Variants in MYO1E observed in about 807,000 individuals in gnomAD.
The protein encoded by MYO1E is unconventional myosin-Ie.
Under a neutral mutation model 151.1 loss-of-function variants are expected in MYO1E, and 68 were observed. The ratio of observed to expected loss-of-function variants is 0.45; its 90% CI spans 0.37 to 0.55. MYO1E has a LOEUF of 0.55. Among genes scored for constraint, MYO1E ranks in the 20% least tolerant of loss-of-function variants. The pLI is 0.00. For missense variants in MYO1E, 1,363 were observed against 1,389.3 expected, an observed-to-expected ratio of 0.98 and a Z score of 0.30; for synonymous variants, 601 against 501.7, an observed-to-expected ratio of 1.20 and a Z score of -2.64.
intron 15 of MYO1E, among the ~76,000 whole-genome samples, chr15:59,203,596 G>A (rs558890409): frequency 1.6e-4 from 25 of 152,170 alleles, no homozygotes; most frequent in South Asian, 1.0e-3. Context: ...CAGTGGTCTC[G>A]ATCTCTTGAC....
chr15:59,297,857 C>T (rs1267071425), intron 1 of MYO1E, among the ~76,000 whole-genome samples: 1 of 152,166 alleles, frequency 6.6e-6, no homozygotes, highest in Non-Finnish European at 1.5e-5. Flanking sequence ...GCTGGGATTA[C>T]AGGCATGAGT....
At chr15:59,252,607 C>A (rs185935652) in intron 4 of MYO1E, among the ~76,000 whole-genome samples, 162 of 151,876 alleles carry the variant, frequency 1.1e-3, no homozygotes, top group Non-Finnish European at 1.9e-3. Flanking sequence ...CCCAGCTACT[C>A]GGGAGGCTGA....
intron 10 of MYO1E, among the ~76,000 whole-genome samples, chr15:59,216,667 T>TGTGTGTGTGTGTGTGTATGTG (rs1491491314): frequency 2.3e-4 from 2 of 8,668 alleles, no homozygotes; most frequent in African/African-American, 4.9e-4. Context: ...TGTGTATGTG[T>TGTGTGTGTGTGTGTGTATGTG]ATATATATAT....
chr15:59,231,505 G>C (rs1181329438), intron 6 of MYO1E, among the ~76,000 whole-genome samples, 197 bp downstream of exon 6: 4 of 152,118 alleles, frequency 2.6e-5, no homozygotes, highest in African/African-American at 9.7e-5. Flanking sequence ...AAATTATCTT[G>C]TTTGTATCCC....
chr15:59,155,817 T>A (rs1375455496), intron 25 of MYO1E, among the ~76,000 whole-genome samples: 5 of 145,332 alleles, frequency 3.4e-5, no homozygotes, highest in Non-Finnish European at 7.5e-5. Context: ...TACTTTAGCA[T>A]GCAATGGTGA....
intron 1 of MYO1E, among the ~76,000 whole-genome samples, chr15:59,276,461 A>G (rs74020337): frequency 0.018 from 2,805 of 152,286 alleles, 81 homozygotes; most frequent in African/African-American, 0.064. Context: ...GAACGTAATA[A>G]TAACAATAAT....
rs1452890042 is a variant in MYO1E at position 59,135,110 on chromosome 15, T to C, written c.*2270A>G. 5 of 152,196 alleles carry C rather than the reference T, an allele frequency of 3.3e-5. No homozygotes were observed. The highest frequency in any genetic ancestry group is 9.7e-5 in the African/African-American group (4 of 41,426). 9.4% of individuals were successfully genotyped at this position (152,196 alleles called of 1,614,324 possible). A position where few individuals can be genotyped will look rare whatever the true frequency, so the allele number is the denominator to read the frequency against. On this transcript the variant is annotated 3_prime_UTR_variant, in exon 28 of 28. Coordinates refer to ENST00000288235, the MANE Select transcript of MYO1E (RefSeq NM_004998.4). The stretch of plus-strand genomic sequence containing the variant: ...TAAGTCTCCTTCCCCTGTGGGTCAC[T>C]TACCTATTTCAGCACCATTTGTTGG...
chr15:59,218,683 A>G (rs1352496268), intron 9 of MYO1E, among the ~76,000 whole-genome samples: 1 of 152,246 alleles, frequency 6.6e-6, no homozygotes, highest in African/African-American at 2.4e-5. Context: ...TGCCAAATAA[A>G]GAACCCTTGG....
intron 1 of MYO1E, among the ~76,000 whole-genome samples, chr15:59,360,782 A>G: frequency 6.6e-6 from 1 of 152,146 alleles, no homozygotes. Context: ...TCTGTCAAAC[A>G]AAGGGGTTCA....
At chr15:59,357,738 C>G (rs28488610) in intron 1 of MYO1E, among the ~76,000 whole-genome samples, 1,896 of 152,140 alleles carry the variant, frequency 0.012, 40 homozygotes, top group African/African-American at 0.043. Context: ...GCGTGAGCCA[C>G]CATACCTTGC....
intron 2 of MYO1E, among the ~76,000 whole-genome samples, chr15:59,263,438 TG>T (rs2080235804): frequency 6.6e-6 from 1 of 152,226 alleles, no homozygotes; most frequent in South Asian, 2.1e-4. Context: ...GTTTCAAGTG[TG>T]GCTTAACATG....
chr15:59,292,349 G>A (rs1596403416), intron 1 of MYO1E, among the ~76,000 whole-genome samples: 1 of 152,306 alleles, frequency 6.6e-6, no homozygotes, highest in Non-Finnish European at 1.5e-5. Context: ...TCTTCTGGCT[G>A]TGAGTTTGTA....
rs398027512 is a variant in MYO1E at position 59,268,720 on chromosome 15, A to ATTTT, written c.147+3582_147+3585dup. ...GTGATGGGTTCTGGGTGACTTTGGT[A>ATTTT]TTTTTTTTTTTTTTTTTTTTTGCTT... On this transcript the variant is annotated intron_variant, in intron 2 of 27. Coordinates refer to ENST00000288235, the MANE Select transcript of MYO1E (RefSeq NM_004998.4). Among the ~76,000 whole-genome samples, 83 of 44,902 alleles carry ATTTT rather than the reference A, an allele frequency of 1.8e-3. 21 individuals are homozygous for ATTTT. Among genetic ancestry groups the ATTTT allele is most frequent in the Non-Finnish European group, 2.5e-3 (52 of 20,426 alleles). The allele number at this position is 44,902 out of a possible 152,430, so 29.5% of individuals were successfully genotyped here.
At chr15:59,190,139 T>C (rs17190826) in intron 17 of MYO1E, among the ~76,000 whole-genome samples, 7,211 of 152,270 alleles carry the variant, frequency 0.047, 188 homozygotes, top group African/African-American at 0.069. Context: ...GGAAGATAAA[T>C]TGGGCCTGGG....
chr15:59,322,888 A>G (rs2080636308), intron 1 of MYO1E, among the ~76,000 whole-genome samples: 1 of 152,062 alleles, frequency 6.6e-6, no homozygotes, highest in Non-Finnish European at 1.5e-5. Flanking sequence ...CTGGCCGGGC[A>G]CGGTGGCTTA....
intron 1 of MYO1E, among the ~76,000 whole-genome samples, chr15:59,272,734 G>A (rs13329300): frequency 3.1e-4 from 47 of 152,228 alleles, no homozygotes; most frequent in African/African-American, 9.9e-4. Context: ...ATTTCACAAC[G>A]CTGCTGTAAG....
chr15:59,283,496 C>A (rs1567002209), intron 1 of MYO1E, among the ~76,000 whole-genome samples: 1 of 152,142 alleles, frequency 6.6e-6, no homozygotes, highest in Non-Finnish European at 1.5e-5. Context: ...TAAACTGACC[C>A]CTAGGACCAA....
intron 4 of MYO1E, among the ~76,000 whole-genome samples, chr15:59,246,089 C>T: frequency 6.6e-6 from 1 of 152,048 alleles, no homozygotes; most frequent in East Asian, 1.9e-4. Context: ...TGCTCATTAT[C>T]ATTCTTTTTT....
intron 2 of MYO1E, among the ~76,000 whole-genome samples, chr15:59,269,879 G>A (rs987918013): frequency 6.6e-6 from 1 of 151,932 alleles, no homozygotes; most frequent in Admixed American, 6.6e-5. Context: ...GCCCTGCACA[G>A]GTATCTGGAG....
Sources: allele counts gnomAD v4.1 joint callset (sites outside exome capture counted in the v4.1 genomes callset), GRCh38; gene constraint gnomAD v4.1.1; transcripts MANE v1.5; gene names NCBI Gene and HGNC (gene_info 2026-07-23, HGNC 2026-07-21).